The following STK3 variants were observed in gnomAD, a reference collection of about 807,000 sequenced individuals.
The protein encoded by STK3 is serine/threonine-protein kinase 3.
STK3 carries 41 observed loss-of-function variants against 58.0 expected under a neutral mutation model. The ratio of observed to expected loss-of-function variants is 0.71; its 90% CI spans 0.55 to 0.92. The LOEUF (loss-of-function observed/expected upper bound fraction) is 0.92, where lower values mean the gene tolerates loss of function less well. STK3 is among the 40% of genes least tolerant of loss of function. The pLI is 0.00. For missense variants in STK3, 479 were observed against 602.7 expected (o/e 0.79, Z 2.15); for synonymous variants, 170 against 191.0 (o/e 0.89, Z 0.91).
intron 8 of STK3, among the ~76,000 whole-genome samples, chr8:98,563,798 G>A (rs755945038): frequency 2.6e-5 from 4 of 152,114 alleles, no homozygotes; most frequent in African/African-American, 4.8e-5. Flanking sequence ...AATAAACATA[G>A]TAGTATTGGA....
chr8:98,850,556 TC>T (rs1009519463), intron 3 of STK3, among the ~76,000 whole-genome samples: 2 of 152,138 alleles, frequency 1.3e-5, no homozygotes, highest in Admixed American at 6.5e-5. Context: ...GGAGGTGACA[TC>T]TTTCAAGAAT....
chr8:98,786,248 C>T (rs1235065558), intron 1 of STK3, among the ~76,000 whole-genome samples: 1 of 152,070 alleles, frequency 6.6e-6, no homozygotes, highest in East Asian at 1.9e-4. Flanking sequence ...CTGGACCAAG[C>T]AAAAGAAAGA....
chr8:98,664,465 C>A lies in STK3; in HGVS notation c.684+42002G>T, dbSNP rs148106748. On this transcript the variant is annotated intron_variant, in intron 6 of 10. Transcript: ENST00000419617. ...GAATTGTTTGCTAAGCTTGAAAATACTTCATAAATACAGACTAATAATACT... is the reference window on the plus strand; with the variant it reads ...GAATTGTTTGCTAAGCTTGAAAATAATTCATAAATACAGACTAATAATACT... 6.8e-3 allele frequency among the ~76,000 whole-genome samples: 1,029 copies of A among 152,258 alleles called. 7 individuals carry two copies. Among genetic ancestry groups the A allele is most frequent in the African/African-American group, 0.023 (965 of 41,540 alleles).
At chr8:98,843,306 C>A (rs900414043) in intron 3 of STK3, among the ~76,000 whole-genome samples, 1 of 152,172 alleles carries the variant, frequency 6.6e-6, no homozygotes, top group Non-Finnish European at 1.5e-5. Context: ...CCTTACTCAA[C>A]AAAGGGCCCA....
chr8:98,810,719 T>C (rs761485557), intron 1 of STK3, among the ~76,000 whole-genome samples: 2 of 152,202 alleles, frequency 1.3e-5, no homozygotes, highest in Non-Finnish European at 2.9e-5. Flanking sequence ...ATAGTTTGCA[T>C]GTTTGTCCCC....
intron 3 of STK3, among the ~76,000 whole-genome samples, chr8:98,425,656 G>A (rs1818223951): frequency 6.6e-6 from 1 of 152,184 alleles, no homozygotes; most frequent in Admixed American, 6.5e-5. Flanking sequence ...TCACAGGGAT[G>A]GGTCAGACTT....
intron 1 of STK3, among the ~76,000 whole-genome samples, chr8:98,780,397 A>T (rs993628466): frequency 6.6e-6 from 1 of 152,114 alleles, no homozygotes; most frequent in African/African-American, 2.4e-5. Context: ...GAAGTTGACC[A>T]TCTTTTCATA....
intron 6 of STK3, among the ~76,000 whole-genome samples, chr8:98,649,834 A>G (rs1304213600): frequency 1.3e-5 from 2 of 152,192 alleles, no homozygotes; most frequent in African/African-American, 2.4e-5. Context: ...ACACAATATT[A>G]TAAGAATTGG....
intron 1 of STK3, among the ~76,000 whole-genome samples, chr8:98,939,790 C>G (rs1212501934): frequency 6.6e-6 from 1 of 152,266 alleles, no homozygotes; most frequent in African/African-American, 2.4e-5. Context: ...TTCTGTCATC[C>G]ATCGTCTACC....
chr8:98,405,906 T>C (rs1439430309), intron 3 of STK3, among the ~76,000 whole-genome samples: 1 of 152,170 alleles, frequency 6.6e-6, no homozygotes, highest in Non-Finnish European at 1.5e-5. Context: ...CTTGCCCCCA[T>C]GATTCAATTA....
At chr8:98,835,875 A>G (rs1380554393) in intron 3 of STK3, among the ~76,000 whole-genome samples, 1 of 152,144 alleles carries the variant, frequency 6.6e-6, no homozygotes, top group African/African-American at 2.4e-5. Context: ...TCAGGCTGCT[A>G]TAACAAAACA....
intron 10 of STK3, among the ~76,000 whole-genome samples, chr8:98,512,246 G>A (rs1192014582): frequency 6.6e-6 from 1 of 151,558 alleles, no homozygotes; most frequent in Non-Finnish European, 1.5e-5. Context: ...CCTTTAGCTT[G>A]TAATCTAGAT....
intron 6 of STK3, among the ~76,000 whole-genome samples, chr8:98,628,591 G>A (rs975242234): frequency 6.6e-6 from 1 of 152,192 alleles, no homozygotes; most frequent in African/African-American, 2.4e-5. Context: ...GAGGCCAAGA[G>A]TTAGAAACTA....
chr8:98,579,378 T>C (rs1356051488), intron 8 of STK3, among the ~76,000 whole-genome samples: 1 of 152,134 alleles, frequency 6.6e-6, no homozygotes, highest in Non-Finnish European at 1.5e-5. Flanking sequence ...CAAAACTGTA[T>C]AAATTCAAGA....
rs1357923200 is a variant in STK3, at chr8:98,621,965, C to CA, written c.685-25797dup. Among the ~76,000 whole-genome samples, 1,097 of 143,578 alleles carry CA rather than the reference C, an allele frequency of 7.6e-3. 6 individuals carry two copies. The highest frequency in any genetic ancestry group is 0.015 in the African/African-American group (595 of 39,372). The allele number at this position is 143,578 out of a possible 152,430, so 94.2% of individuals were successfully genotyped here. On this transcript the variant is annotated intron_variant, in intron 6 of 10. Coordinates refer to ENST00000419617, the MANE Select transcript of STK3 (RefSeq NM_006281.4). Reference sequence around the variant, plus strand: ...ACCGTCAAATGAAAAATTCTACATACAAAAAAAAAAATCAGACATTGGGCA... The same window carrying CA: ...ACCGTCAAATGAAAAATTCTACATACAAAAAAAAAAAATCAGACATTGGGCA...
At chr8:98,446,322 C>A (rs1219207317) in intron 1 of STK3, among the ~76,000 whole-genome samples, 2 of 152,186 alleles carry the variant, frequency 1.3e-5, no homozygotes, top group Non-Finnish European at 2.9e-5. Flanking sequence ...AACAAAGCTG[C>A]CTTTATTTCT....
At chr8:98,526,946 T>C in intron 9 of STK3, 29 bp from the exon 10 acceptor site, 3 of 1,456,992 alleles carry the variant, frequency 2.1e-6, no homozygotes, top group Non-Finnish European at 1.8e-6. Flanking sequence ...ATAAGGAAGG[T>C]ATAAGTTCTT....
chr8:98,860,791 A>G (rs1836904064), intron 3 of STK3, among the ~76,000 whole-genome samples: 1 of 152,198 alleles, frequency 6.6e-6, no homozygotes. Flanking sequence ...GCGGTGGCTC[A>G]TGCCTGTCAT....
intron 8 of STK3, among the ~76,000 whole-genome samples, chr8:98,557,939 C>CA (rs1342748393): frequency 6.6e-6 from 1 of 152,066 alleles, no homozygotes; most frequent in South Asian, 2.1e-4. Context: ...GGCAGGACTT[C>CA]AGAGGCTCCA....
Sources: allele counts gnomAD v4.1 joint callset (sites outside exome capture counted in the v4.1 genomes callset), GRCh38; gene constraint gnomAD v4.1.1; transcripts MANE v1.5; gene names NCBI Gene and HGNC (gene_info 2026-07-23, HGNC 2026-07-21).